MAGI2: variants seen among roughly 807,000 people sequenced by gnomAD.
The protein encoded by MAGI2 is membrane associated guanylate kinase, WW and PDZ domain containing 2, also known as membrane-associated guanylate kinase, WW and PDZ domain-containing protein 2.
MAGI2 carries 35 observed loss-of-function variants against 133.3 expected under a neutral mutation model. The ratio of observed to expected loss-of-function variants is 0.26; its 90% CI spans 0.20 to 0.35. MAGI2 has a LOEUF of 0.35. Among genes scored for constraint, MAGI2 ranks in the 10% least tolerant of loss-of-function variants. The probability of loss-of-function intolerance (pLI) is 1.00; values close to 1 mark genes in which losing one functional copy is unlikely to be tolerated. For synonymous variants in MAGI2, 729 were observed against 710.6 expected (o/e 1.03, Z -0.41); for missense variants, 1,636 against 1,863.4 (o/e 0.88, Z 2.25).
chr7:79,160,962 G>C (rs191314814), intron 1 of MAGI2, among the ~76,000 whole-genome samples: 247 of 152,136 alleles, frequency 1.6e-3, no homozygotes, highest in Non-Finnish European at 2.8e-3. Context: ...AGGTCTTACA[G>C]ATGCAACTCC....
chr7:78,859,075 TG>T (rs1481609885), intron 2 of MAGI2, among the ~76,000 whole-genome samples: 1 of 152,028 alleles, frequency 6.6e-6, no homozygotes, highest in East Asian at 1.9e-4. Flanking sequence ...CTTTTTTTTT[TG>T]TTTTCCATTT....
intron 2 of MAGI2, among the ~76,000 whole-genome samples, chr7:78,714,238 G>C (rs1221958950): frequency 6.6e-6 from 1 of 152,026 alleles, no homozygotes; most frequent in Admixed American, 6.6e-5. Flanking sequence ...GTGTCCTTAG[G>C]GGGCAAGGTT....
At chr7:78,036,855 C>A (rs10239734) in intron 21 of MAGI2, among the ~76,000 whole-genome samples, 1,631 of 152,260 alleles carry the variant, frequency 0.011, 18 homozygotes, top group African/African-American at 0.031. Context: ...CTCAAGCAAT[C>A]CACCCTCTTT....
intron 2 of MAGI2, among the ~76,000 whole-genome samples, chr7:78,692,899 T>G (rs938266637): frequency 1.3e-5 from 2 of 152,188 alleles, no homozygotes; most frequent in African/African-American, 4.8e-5. Context: ...CAACGGTTTC[T>G]TTCACCGAAC....
chr7:78,275,831 G>A (rs1436346532), intron 9 of MAGI2, among the ~76,000 whole-genome samples: 4 of 152,144 alleles, frequency 2.6e-5, no homozygotes, highest in Non-Finnish European at 5.9e-5. Flanking sequence ...TATGGAGAGA[G>A]CAGTTAGCCC....
intron 6 of MAGI2, chr7:78,485,125 C>A (rs1001992569): frequency 6.6e-6 from 1 of 151,966 alleles, no homozygotes; most frequent in Admixed American, 6.6e-5. Context: ...TCCCATATTA[C>A]CGACTCTGAG....
At chr7:79,355,432 C>T (rs1437657252) in intron 1 of MAGI2, among the ~76,000 whole-genome samples, 1 of 152,190 alleles carries the variant, frequency 6.6e-6, no homozygotes, top group African/African-American at 2.4e-5. Context: ...CTCTGCTGAT[C>T]TTTGTGGCCT....
chr7:78,131,438 T>C (rs1821552813), intron 18 of MAGI2, among the ~76,000 whole-genome samples: 1 of 152,218 alleles, frequency 6.6e-6, no homozygotes, highest in African/African-American at 2.4e-5. Flanking sequence ...TGCAACAATG[T>C]GAATGATGAA....
At chr7:78,908,142 A>T (rs1330765249) in intron 2 of MAGI2, among the ~76,000 whole-genome samples, 2 of 152,196 alleles carry the variant, frequency 1.3e-5, no homozygotes, top group Admixed American at 1.3e-4. Context: ...AGTGACAGAA[A>T]GTGAAGTTGG....
chr7:78,537,678 T>TG (rs1446303217), intron 3 of MAGI2, among the ~76,000 whole-genome samples: 6 of 152,196 alleles, frequency 3.9e-5, no homozygotes, highest in African/African-American at 1.4e-4. Flanking sequence ...GCCCATTTTT[T>TG]GATGGGATTA....
chr7:79,230,410 A>G (rs1318862100), intron 1 of MAGI2, among the ~76,000 whole-genome samples: 1 of 151,664 alleles, frequency 6.6e-6, no homozygotes, highest in Admixed American at 6.6e-5. Flanking sequence ...TCCCACCAAC[A>G]GTGTAAAAGT....
intron 3 of MAGI2, among the ~76,000 whole-genome samples, chr7:78,544,594 AAGTGT>A (rs1317265744): frequency 1.3e-5 from 2 of 152,198 alleles, no homozygotes; most frequent in Admixed American, 1.3e-4. Flanking sequence ...TTGCTACTCA[AAGTGT>A]GATCTGCAGT....
At chr7:78,113,171 G>A (rs932689501) in intron 20 of MAGI2, among the ~76,000 whole-genome samples, 1 of 151,934 alleles carries the variant, frequency 6.6e-6, no homozygotes, top group African/African-American at 2.4e-5. Flanking sequence ...GGGGACTGGG[G>A]ATAGAACACG....
chr7:78,179,797 G>A (rs1419215290), intron 13 of MAGI2, among the ~76,000 whole-genome samples: 3 of 152,204 alleles, frequency 2.0e-5, no homozygotes, highest in Non-Finnish European at 4.4e-5. Context: ...AGAGGTGGTG[G>A]CAGAGGAAAG....
Position 79,079,838 on chromosome 7 carries a change from TA to T in MAGI2, c.302-72633del, listed in dbSNP as rs555201961. ...ACAGAACACAGAAATGTATGCTCGT[TA>T]AAAAAATGGTGCAATCCTCTGGGTA... On this transcript the variant is annotated intron_variant, in intron 1 of 21. Transcript: ENST00000354212. Among the ~76,000 whole-genome samples the T allele has an allele frequency of 2.0e-4, 31 of 152,204 alleles. No homozygotes were observed. The East Asian group carries it at 5.0e-3, about 25-fold the overall frequency.
At chr7:78,224,358 CAGTG>C (rs767238010) in intron 10 of MAGI2, among the ~76,000 whole-genome samples, 7 of 152,152 alleles carry the variant, frequency 4.6e-5, no homozygotes, top group African/African-American at 7.2e-5. Flanking sequence ...TAGTTTTACA[CAGTG>C]AGTTATAAGT....
intron 2 of MAGI2, among the ~76,000 whole-genome samples, chr7:78,932,411 A>G (rs1800204157): frequency 6.6e-6 from 1 of 152,080 alleles, no homozygotes; most frequent in Admixed American, 6.6e-5. Flanking sequence ...CTTACAGCAG[A>G]GTATGGTGTT....
chr7:79,020,695 G>A (rs1332102229), intron 1 of MAGI2, among the ~76,000 whole-genome samples: 6 of 151,808 alleles, frequency 4.0e-5, no homozygotes, highest in Non-Finnish European at 5.9e-5. Context: ...GAACCCAGGA[G>A]GTGGAGCTTG....
chr7:78,686,366 C>T (rs1178767919), intron 2 of MAGI2, among the ~76,000 whole-genome samples: 1 of 152,112 alleles, frequency 6.6e-6, no homozygotes, highest in African/African-American at 2.4e-5. Flanking sequence ...GGACCTCTCC[C>T]CTCCTTACAC....
Sources: allele counts gnomAD v4.1 joint callset (sites outside exome capture counted in the v4.1 genomes callset), GRCh38; gene constraint gnomAD v4.1.1; transcripts MANE v1.5; gene names NCBI Gene and HGNC (gene_info 2026-07-23, HGNC 2026-07-21).